Variants in MYT1L observed in about 807,000 individuals in gnomAD.
MYT1L encodes the protein myelin transcription factor 1-like protein.
MYT1L carries 12 observed loss-of-function variants against 126.7 expected under a neutral mutation model. That is an observed-to-expected ratio of 0.09 (90% confidence interval 0.06 to 0.15). The LOEUF (loss-of-function observed/expected upper bound fraction) is 0.15, where lower values mean the gene tolerates loss of function less well. MYT1L is among the 10% of genes least tolerant of loss of function. MYT1L has a pLI of 1.00. For missense variants in MYT1L, 979 were observed against 1,585.2 expected, an observed-to-expected ratio of 0.62 and a Z score of 6.49; for synonymous variants, 541 against 604.2, an observed-to-expected ratio of 0.90 and a Z score of 1.53.
At chr2:1,970,370 A>G (rs550073636) in intron 8 of MYT1L, among the ~76,000 whole-genome samples, 1 of 152,296 alleles carries the variant, frequency 6.6e-6, no homozygotes, top group South Asian at 2.1e-4. Context: ...TGTACCCAGG[A>G]TAGTCTTCTG....
At chr2:2,099,481 CTAAAA>C (rs1180677249) in intron 3 of MYT1L, among the ~76,000 whole-genome samples, 2 of 152,070 alleles carry the variant, frequency 1.3e-5, no homozygotes, top group African/African-American at 2.4e-5. Context: ...AGCACAGAGA[CTAAAA>C]GGCTTCCCAG....
chr2:2,173,841 T>A (rs539234678), intron 2 of MYT1L, among the ~76,000 whole-genome samples: 182 of 152,334 alleles, frequency 1.2e-3, no homozygotes, highest in African/African-American at 4.1e-3. Flanking sequence ...GGGCTCCCCA[T>A]GCTGTTTATG....
intron 2 of MYT1L, among the ~76,000 whole-genome samples, chr2:2,181,659 C>T (rs572088319): frequency 6.6e-6 from 1 of 152,274 alleles, no homozygotes; most frequent in African/African-American, 2.4e-5. Flanking sequence ...GCTTTGTCTT[C>T]CCGGATGCAG....
chr2:2,101,323 A>G (rs940077351), intron 3 of MYT1L, among the ~76,000 whole-genome samples: 3 of 152,082 alleles, frequency 2.0e-5, no homozygotes, highest in Non-Finnish European at 4.4e-5. Flanking sequence ...TTCCTCTCTC[A>G]TATGCCATTC....
intron 2 of MYT1L, among the ~76,000 whole-genome samples, chr2:2,186,986 TAAAG>T (rs1368820739): frequency 2.6e-5 from 4 of 152,076 alleles, no homozygotes; most frequent in Non-Finnish European, 5.9e-5. Context: ...GAAAACAAAA[TAAAG>T]AATTTTTTTC....
At chr2:2,154,970 T>TA (rs1429932517) in intron 3 of MYT1L, among the ~76,000 whole-genome samples, 1 of 151,838 alleles carries the variant, frequency 6.6e-6, no homozygotes, top group African/African-American at 2.4e-5. Flanking sequence ...CTACTAAAAA[T>TA]ACAAAAATTA....
intron 9 of MYT1L, among the ~76,000 whole-genome samples, chr2:1,934,944 A>G (rs2055654505): frequency 6.6e-6 from 1 of 152,028 alleles, no homozygotes; most frequent in Non-Finnish European, 1.5e-5. Flanking sequence ...TGCTCACATA[A>G]ATGTGCTAGA....
intron 12 of MYT1L, among the ~76,000 whole-genome samples, chr2:1,911,768 A>G (rs1007315510): frequency 6.6e-6 from 1 of 152,140 alleles, no homozygotes. Flanking sequence ...CCTTCCAGCC[A>G]TTGTAAATGG....
chr2:1,866,638 G>GGA (rs1416789502), intron 18 of MYT1L, among the ~76,000 whole-genome samples: 2 of 68,222 alleles, frequency 2.9e-5, no homozygotes, highest in African/African-American at 7.8e-5. Flanking sequence ...GGAGAGGGAG[G>GGA]GAGAGAGAGA....
At chr2:2,075,902 G>A (rs539864346) in intron 3 of MYT1L, among the ~76,000 whole-genome samples, 20 of 152,328 alleles carry the variant, frequency 1.3e-4, no homozygotes, top group African/African-American at 4.3e-4. Context: ...TCTTCATCCC[G>A]GCTAAAAGCC....
rs548864734 is a variant in MYT1L, at chr2:2,076,798, C to T, written c.-303-22675G>A. ...AAAAAGCATGAGAGATACAAAGAAA[C>T]AGGAAAGTATGACACACACACACAC... On this transcript the variant is annotated intron_variant, in intron 3 of 24. Coordinates refer to ENST00000647738, the MANE Select transcript of MYT1L (RefSeq NM_001303052.2). Among the ~76,000 whole-genome samples the T allele has an allele frequency of 1.5e-3, 174 of 116,770 alleles. 1 individual carries two copies. Among genetic ancestry groups the T allele is most frequent in the African/African-American group, 6.2e-3 (148 of 23,804 alleles). 76.6% of individuals were successfully genotyped at this position (116,770 alleles called of 152,430 possible).
At chr2:1,885,917 G>T (rs971189388) in intron 18 of MYT1L, among the ~76,000 whole-genome samples, 2 of 152,174 alleles carry the variant, frequency 1.3e-5, no homozygotes, top group Non-Finnish European at 2.9e-5. Context: ...TCTCAGTGTT[G>T]CAGTATAAAT....
chr2:1,925,745 G>A (rs548184883), intron 9 of MYT1L, among the ~76,000 whole-genome samples: 74 of 152,272 alleles, frequency 4.9e-4, no homozygotes, highest in African/African-American at 1.7e-3. Flanking sequence ...GGCACGGTTC[G>A]TCCTCATACC....
chr2:2,092,867 T>A (rs2150396669), intron 3 of MYT1L, among the ~76,000 whole-genome samples: 1 of 152,258 alleles, frequency 6.6e-6, no homozygotes. Context: ...AAGACCCTTG[T>A]TTATGGTATG....
rs184200942 is a variant in MYT1L, at chr2:2,160,987, C to A, written c.-304+11885G>T. Reference sequence around the variant, plus strand: ...ATCCCAGCACTTTGGGAGGCCAAGGCGGGCGGATCACTTGAGGTCAGGAGT... The same window carrying A: ...ATCCCAGCACTTTGGGAGGCCAAGGAGGGCGGATCACTTGAGGTCAGGAGT... On this transcript the variant is annotated intron_variant, in intron 3 of 24. Transcript: ENST00000647738. 2.0e-5 allele frequency among the ~76,000 whole-genome samples: 3 copies of A among 152,058 alleles called. No homozygotes were observed. In the South Asian group the frequency reaches 6.2e-4, roughly 31 times the overall value.
chr2:1,989,611 G>A (rs893560009), intron 5 of MYT1L, among the ~76,000 whole-genome samples: 1 of 152,142 alleles, frequency 6.6e-6, no homozygotes. Flanking sequence ...GATGCTCTAC[G>A]CAGGAAAGAA....
intron 3 of MYT1L, among the ~76,000 whole-genome samples, chr2:2,143,398 G>T (rs985824105): frequency 1.3e-5 from 2 of 152,054 alleles, no homozygotes; most frequent in Non-Finnish European, 2.9e-5. Flanking sequence ...GGCCGAGGTG[G>T]TCGGTCACTC....
chr2:1,951,158 G>C (rs2057718853), intron 8 of MYT1L, among the ~76,000 whole-genome samples: 1 of 152,126 alleles, frequency 6.6e-6, no homozygotes, highest in Non-Finnish European at 1.5e-5. Context: ...CTCTGTGGTT[G>C]CTAAATTTGA....
intron 8 of MYT1L, among the ~76,000 whole-genome samples, chr2:1,973,872 AC>A (rs1231534047): frequency 2.6e-5 from 4 of 152,214 alleles, no homozygotes; most frequent in Admixed American, 1.3e-4. Context: ...CGTTGCTCAA[AC>A]CACGCACTTT....
Sources: gnomAD v4.1 joint callset for allele counts (sites outside exome capture counted in the v4.1 genomes callset) on GRCh38, gnomAD v4.1.1 for gene constraint, MANE v1.5 for transcripts, NCBI Gene and HGNC (gene_info 2026-07-23, HGNC 2026-07-21) for gene names.